COL1A2: variants seen among roughly 807,000 people sequenced by gnomAD.
COL1A2 encodes collagen type I alpha 2 chain, also known as collagen alpha-2(I) chain.
In COL1A2, 49 loss-of-function variants were observed where a neutral mutation model predicts 174.3. That is an observed-to-expected ratio of 0.28 (90% CI 0.22 to 0.36). The LOEUF (loss-of-function observed/expected upper bound fraction) is 0.36. Ranked by LOEUF, COL1A2 falls within the 10% of genes least tolerant of loss-of-function variation. The pLI is 1.00. For missense variants in COL1A2, 1,438 were observed against 1,822.7 expected (o/e 0.79, Z 3.84); for synonymous variants, 655 against 606.6 (o/e 1.08, Z -1.17).
chr7:94,426,247 A>G (rs1792275528), intron 45 of COL1A2, among the ~76,000 whole-genome samples, 176 bp from the exon 46 acceptor site: 1 of 152,234 alleles, frequency 6.6e-6, no homozygotes, highest in South Asian at 2.1e-4. Context: ...AATTACAAGG[A>G]TCTAGCCACT....
Position 94,410,293 on chromosome 7 carries a change from C to T in COL1A2, c.1087C>T (p.Pro363Ser). ...AGGAGAGAGCGGTAACAAGGGTGAG[C>T]CCGTAAGTAGCTCTATCATCACACT... ...SKGESGNKGE[P>S]GSAGPQGPPG... The change falls in exon 20 of 52, where the codon CCC becomes TCC. Residue 363 changes from proline to serine, a missense_variant and splice_region_variant. Around this residue, in one of 3 missense-constraint regions of COL1A2, gnomAD observed 867 missense variants for 1,213.7 expected, o/e 0.71. Coordinates refer to ENST00000297268, the MANE Select transcript of COL1A2 (RefSeq NM_000089.4). 1 of 1,613,940 alleles carries T rather than the reference C, an allele frequency of 6.2e-7. No individual in the cohort carries two copies. The highest frequency in any genetic ancestry group is 8.5e-7 in the Non-Finnish European group (1 of 1,179,994).
chr7:94,399,385 C>A (rs1222704598), intron 4 of COL1A2, among the ~76,000 whole-genome samples: 1 of 152,108 alleles, frequency 6.6e-6, no homozygotes, highest in Non-Finnish European at 1.5e-5. Context: ...ATCTACCTAC[C>A]ACCACAGTCC....
At chr7:94,424,847 T>G in intron 41 of COL1A2, 1 of 508,400 alleles carries the variant, frequency 2.0e-6, no homozygotes, top group Non-Finnish European at 3.6e-6. Flanking sequence ...TATATCAACT[T>G]TTTGAATTCA....
intron 51 of COL1A2, chr7:94,430,034 T>G: frequency 1.7e-6 from 1 of 585,240 alleles, no homozygotes; most frequent in Admixed American, 3.0e-5. Context: ...TTTTGGTTTG[T>G]TTGTTTGTTT....
At chr7:94,400,132 C>T (rs1415928431) in intron 4 of COL1A2, 64 bp from the exon 5 acceptor site, 2 of 1,448,480 alleles carry the variant, frequency 1.4e-6, no homozygotes, top group South Asian at 2.3e-5. Context: ...GATCTTACCA[C>T]ATATAATTCT....
At position 94,399,154 on chromosome 7, in the gene COL1A2, A is replaced by G; in HGVS notation, c.132+70A>G. ...TAACTATATGTTAGAAACTACAGGA[A>G]CTGGCAATTTATAAGAATATTATGT... is the stretch of plus-strand genomic sequence containing the variant. On this transcript the variant is annotated intron_variant, in intron 4 of 51. Transcript: ENST00000297268. 2.9e-6 allele frequency: 4 copies of G among 1,399,808 alleles called. No individual in the cohort carries two copies. The South Asian group carries it at 4.6e-5, about 16-fold the overall frequency. The allele number at this position is 1,399,808 out of a possible 1,614,324, so 86.7% of individuals were successfully genotyped here.
At position 94,405,676 on chromosome 7, in the gene COL1A2, G is replaced by A. The variant is rs772512344; in HGVS notation, c.490G>A (p.Ala164Thr). The A allele has an allele frequency of 5.6e-6, 9 of 1,612,234 alleles. No homozygotes were observed. The Admixed American group carries it at 1.3e-4, about 24-fold the overall frequency. Residue 164 changes from alanine (A) to threonine (T), a missense_variant, in exon 11 of 52, where the codon GCT (alanine) becomes ACT (threonine). Ala to Thr is a moderately conservative substitution (Grantham distance 58, BLOSUM62 0). Transcript: ENST00000297268. Reference protein sequence around the residue: ...GERGVVGPQGARGFPGTPGLP... With the variant: ...GERGVVGPQGTRGFPGTPGLP... Reference sequence around the variant, plus strand: ...ATCTTCTGTATTTCTTTCTAAGGGTGCTCGTGGTTTCCCTGGAACTCCTGG... The same window carrying A: ...ATCTTCTGTATTTCTTTCTAAGGGTACTCGTGGTTTCCCTGGAACTCCTGG...
intron 39 of COL1A2, 123 bp from the exon 40 acceptor site, chr7:94,422,834 A>C (rs1028037820): frequency 2.5e-5 from 29 of 1,158,164 alleles, no homozygotes; most frequent in Non-Finnish European, 3.5e-5. Flanking sequence ...TTTCCCCCAA[A>C]TGGCCAGGGT....
At chr7:94,427,380 C>G in intron 48 of COL1A2, 85 bp downstream of exon 48, 2 of 1,313,786 alleles carry the variant, frequency 1.5e-6, no homozygotes, top group Non-Finnish European at 2.1e-6. Flanking sequence ...ACTTTGACAA[C>G]CCATTAAAGT....
rs1791979962 is a variant in COL1A2, at chr7:94,413,702, C to T, written c.1570C>T (p.Pro524Ser). 6.2e-7 allele frequency: 1 copy of T among 1,614,150 alleles called. No homozygotes were observed. Among genetic ancestry groups the T allele is most frequent in the Non-Finnish European group, 8.5e-7 (1 of 1,180,018 alleles). Residue 524 changes from proline to serine, a missense_variant, in exon 27 of 52, where the codon CCT becomes TCT. By Grantham distance (74) the Pro-to-Ser change is moderately conservative. Coordinates refer to ENST00000297268, the MANE Select transcript of COL1A2 (RefSeq NM_000089.4). ...GLAGARGAPG[P>S]DGNNGAQGPP... ...TAAATATTTTTAGGGTGCTCCAGGT[C>T]CTGATGGAAACAATGGTGCTCAGGG...
At chr7:94,414,012 C>G (rs1791986701) in intron 28 of COL1A2, 65 bp downstream of exon 28, 2 of 1,444,954 alleles carry the variant, frequency 1.4e-6, no homozygotes, top group Non-Finnish European at 1.9e-6. Context: ...AATCACCATA[C>G]CGTACCTCTC....
chr7:94,410,324 A>G (rs1434586209), intron 20 of COL1A2, 29 bp downstream of exon 20: 6 of 1,613,310 alleles, frequency 3.7e-6, no homozygotes, highest in Non-Finnish European at 5.1e-6. Flanking sequence ...ACACTTTTAT[A>G]AAGTTAATTG....
At position 94,410,500 on chromosome 7, in the gene COL1A2, C is replaced by T. The variant is rs753455668; in HGVS notation, c.1170C>T (p.Ala390=). The change falls in exon 21 of 52, where the codon GCC becomes GCT. Residue 390 remains alanine (A), a synonymous_variant. Coordinates refer to ENST00000297268, the MANE Select transcript of COL1A2 (RefSeq NM_000089.4). ...GCCCTAATGGGGAAGCTGGATCTGC[C>T]GGCCCTCCAGGACCTCCTGGGCTGA... ...KRGPNGEAGS[A]GPPGPPGLRG... 32 of 1,549,732 alleles carry T rather than the reference C, an allele frequency of 2.1e-5. No individual in the cohort carries two copies. The highest frequency in any genetic ancestry group is 2.7e-5 in the African/African-American group (2 of 72,954).
chr7:94,426,903 C>A (rs1410202709), intron 46 of COL1A2, 105 bp from the exon 47 acceptor site: 6 of 961,838 alleles, frequency 6.2e-6, no homozygotes, highest in Non-Finnish European at 9.8e-6. Flanking sequence ...TTTCTCAATC[C>A]GGAGTCCATT....
intron 9 of COL1A2, 45 bp from the exon 10 acceptor site, chr7:94,405,154 T>C (rs374185449): frequency 1.1e-4 from 179 of 1,602,432 alleles, no homozygotes; most frequent in Admixed American, 2.5e-4. Flanking sequence ...TTTTGTCTGA[T>C]AGTTTACCAA....
intron 29 of COL1A2, among the ~76,000 whole-genome samples, chr7:94,414,640 C>T (rs1306104916): frequency 6.6e-6 from 1 of 152,052 alleles, no homozygotes; most frequent in Non-Finnish European, 1.5e-5. Flanking sequence ...CGAAAAATTC[C>T]TTTTGTGTTT....
In COL1A2 at chr7:94,405,680, G is replaced by A. The variant is rs780355349; in HGVS notation, c.494G>A (p.Arg165His). 3.7e-6 allele frequency: 6 copies of A among 1,612,832 alleles called. No homozygotes were observed. The highest frequency in any genetic ancestry group is 3.3e-5 in the South Asian group (3 of 91,044). The change falls in exon 11 of 52, where the codon CGT becomes CAT. Residue 165 changes from arginine (R) to histidine (H), a missense_variant. This residue lies in a region of COL1A2 where 281 missense variants were observed against 310.9 expected (regional missense o/e 0.90). Transcript: ENST00000297268. ...TCTGTATTTCTTTCTAAGGGTGCTC[G>A]TGGTTTCCCTGGAACTCCTGGACTT... The part of the protein sequence containing the change: ...ERGVVGPQGA[R>H]GFPGTPGLPG...
At chr7:94,403,789 T>C (rs1157358709) in intron 6 of COL1A2, among the ~76,000 whole-genome samples, 2 of 152,148 alleles carry the variant, frequency 1.3e-5, no homozygotes, top group Admixed American at 6.5e-5. Flanking sequence ...ACGGATGAGC[T>C]TACACAGGCA....
Position 94,420,330 on chromosome 7 carries a change from T to C in COL1A2, c.2133+44T>C, listed in dbSNP as rs184811382. On this transcript the variant is annotated intron_variant, in intron 35 of 51. Transcript: ENST00000297268. The stretch of plus-strand genomic sequence containing the variant: ...CATTTTGTATACTCACACCTCACAA[T>C]GTTTAGACATTGATGAACCTAGGAT... 2.1e-3 allele frequency: 3,344 copies of C among 1,614,160 alleles called. 9 individuals carry two copies. The highest frequency in any genetic ancestry group is 5.8e-3 in the Middle Eastern group (35 of 6,056).
Sources: allele counts gnomAD v4.1 joint callset (sites outside exome capture counted in the v4.1 genomes callset), GRCh38; gene constraint gnomAD v4.1.1; regional missense constraint gnomAD v4.1.1; transcripts MANE v1.5; gene names NCBI Gene and HGNC (gene_info 2026-07-23, HGNC 2026-07-21).